RGS20: variants seen among roughly 807,000 people sequenced by gnomAD.
RGS20 encodes the protein gz-selective GTPase-activating protein.
A neutral mutation model predicts 33.6 loss-of-function variants in RGS20; 30 were observed. That is an observed-to-expected ratio of 0.89 (90% CI 0.67 to 1.21). RGS20 has a LOEUF of 1.21. RGS20 is among the 50% of genes most tolerant of loss of function. RGS20 has a pLI of 0.00. For synonymous variants in RGS20, 208 were observed against 197.9 expected, an observed-to-expected ratio of 1.05 and a Z score of -0.43; for missense variants, 472 against 502.4, an observed-to-expected ratio of 0.94 and a Z score of 0.58.
chr8:53,867,695 CTT>C (rs1811953655), intron 1 of RGS20, among the ~76,000 whole-genome samples: 1 of 150,738 alleles, frequency 6.6e-6, no homozygotes, highest in Non-Finnish European at 1.5e-5. Flanking sequence ...TCCTTCCTTC[CTT>C]CCTTCCTTTC....
At chr8:53,913,993 T>C (rs1813416513) in intron 2 of RGS20, 1 of 152,152 alleles carries the variant, frequency 6.6e-6, no homozygotes, top group Non-Finnish European at 1.5e-5. Context: ...TTTCCTTTCT[T>C]TTTTTCCTCT....
At chr8:53,889,414 T>TC (rs1563367024) in intron 2 of RGS20, among the ~76,000 whole-genome samples, 85 of 44,602 alleles carry the variant, frequency 1.9e-3, no homozygotes, top group Middle Eastern at 8.8e-3. Flanking sequence ...CTCTCTCTCT[T>TC]TTTTTTTTTT....
intron 2 of RGS20, among the ~76,000 whole-genome samples, chr8:53,907,260 A>G (rs1202206250): frequency 6.6e-6 from 1 of 151,934 alleles, no homozygotes; most frequent in Non-Finnish European, 1.5e-5. Flanking sequence ...GATGTTTTCT[A>G]TGTCTTGTTA....
At chr8:53,871,983 G>A (rs558777127) in intron 1 of RGS20, among the ~76,000 whole-genome samples, 1 of 151,950 alleles carries the variant, frequency 6.6e-6, no homozygotes, top group South Asian at 2.1e-4. Flanking sequence ...CAACCTGTCT[G>A]ACATCTCCAT....
At chr8:53,869,692 CA>C (rs952365460) in intron 1 of RGS20, among the ~76,000 whole-genome samples, 1 of 152,012 alleles carries the variant, frequency 6.6e-6, no homozygotes, top group Non-Finnish European at 1.5e-5. Context: ...AACAAACAAA[CA>C]AAAAACCAAA....
At chr8:53,946,605 TA>T in intron 3 of RGS20, 59 bp from the exon 3 acceptor site, 2 of 1,345,044 alleles carry the variant, frequency 1.5e-6, no homozygotes, top group Non-Finnish European at 2.1e-6. Flanking sequence ...AAAGTATTTG[TA>T]AAAAATCTTT....
chr8:53,927,193 T>A (rs1386197334), intron 2 of RGS20, among the ~76,000 whole-genome samples: 1 of 145,860 alleles, frequency 6.9e-6, no homozygotes, highest in African/African-American at 2.7e-5. Context: ...CTTTTTGTTT[T>A]TTGGGGCGTT....
chr8:53,932,365 A>G (rs56788440), intron 2 of RGS20, among the ~76,000 whole-genome samples: 7,465 of 152,222 alleles, frequency 0.049, 475 homozygotes, highest in African/African-American at 0.15. Context: ...CCAGCAAGCT[A>G]AGATCCAATG....
intron 1 of RGS20, among the ~76,000 whole-genome samples, chr8:53,869,271 G>A (rs977717527): frequency 2.0e-5 from 3 of 152,186 alleles, no homozygotes; most frequent in Non-Finnish European, 2.9e-5. Context: ...AAAGTGGGGA[G>A]AAAGCACAGG....
chr8:53,922,258 C>G (rs1448468414), intron 2 of RGS20, among the ~76,000 whole-genome samples: 1 of 152,068 alleles, frequency 6.6e-6, no homozygotes. Context: ...TATAAAATGT[C>G]CCTATTAATC....
intron 2 of RGS20, among the ~76,000 whole-genome samples, chr8:53,909,363 C>T (rs1441637382): frequency 1.3e-5 from 2 of 150,888 alleles, no homozygotes; most frequent in African/African-American, 4.9e-5. Context: ...AATCCTCCAG[C>T]CTCAGCCTCC....
chr8:53,895,527 A>T (rs1289808518), intron 2 of RGS20, among the ~76,000 whole-genome samples: 1 of 152,214 alleles, frequency 6.6e-6, no homozygotes, highest in East Asian at 1.9e-4. Flanking sequence ...AATTATCCAT[A>T]AACAGTCTAT....
At chr8:53,935,333 A>T (rs957681203) in intron 2 of RGS20, among the ~76,000 whole-genome samples, 1 of 152,166 alleles carries the variant, frequency 6.6e-6, no homozygotes, top group Admixed American at 6.5e-5. Flanking sequence ...TTTTGAAAAG[A>T]TCAACAAAAT....
chr8:53,879,773 C>G (rs573992120), intron 2 of RGS20: 2 of 524,702 alleles, frequency 3.8e-6, no homozygotes, highest in Non-Finnish European at 6.3e-6. Flanking sequence ...GGGACATTGG[C>G]GGCTCCCGGG....
chr8:53,926,686 C>T (rs186815537), intron 2 of RGS20, among the ~76,000 whole-genome samples: 2 of 152,006 alleles, frequency 1.3e-5, no homozygotes, highest in African/African-American at 2.4e-5. Context: ...CTGAAACAGG[C>T]GGATCACTTG....
chr8:53,871,038 G>C (rs550960854), intron 1 of RGS20, among the ~76,000 whole-genome samples: 2 of 148,646 alleles, frequency 1.3e-5, no homozygotes, highest in African/African-American at 5.0e-5. Context: ...TTGAAGCCGG[G>C]TGGCAGAGGT....
intron 3 of RGS20, among the ~76,000 whole-genome samples, chr8:53,941,364 C>G (rs1814293127): frequency 6.6e-6 from 1 of 152,076 alleles, no homozygotes; most frequent in South Asian, 2.1e-4. Flanking sequence ...AAGACATTCT[C>G]AGACATACGA....
At chr8:53,926,820 G>A (rs1813813108) in intron 2 of RGS20, among the ~76,000 whole-genome samples, 1 of 152,080 alleles carries the variant, frequency 6.6e-6, no homozygotes, top group Admixed American at 6.5e-5. Context: ...GGCTGAGGCA[G>A]GAGAATCGCT....
chr8:53,923,717 C>A (rs958522927), intron 2 of RGS20, among the ~76,000 whole-genome samples: 3 of 152,190 alleles, frequency 2.0e-5, no homozygotes, highest in Non-Finnish European at 4.4e-5. Flanking sequence ...AACCAAACTG[C>A]AGATGATGCG....
Sources: allele counts gnomAD v4.1 joint callset (sites outside exome capture counted in the v4.1 genomes callset), GRCh38; gene constraint gnomAD v4.1.1; transcripts MANE v1.5; gene names NCBI Gene and HGNC (gene_info 2026-07-23, HGNC 2026-07-21).